DDAH1: variants seen among roughly 807,000 people sequenced by gnomAD.
The protein encoded by DDAH1 is N(G),N(G)-dimethylarginine dimethylaminohydrolase 1.
Under a neutral mutation model 28.8 loss-of-function variants are expected in DDAH1, and 19 were observed. That is an observed-to-expected ratio of 0.66 (90% CI 0.46 to 0.97). The LOEUF (loss-of-function observed/expected upper bound fraction) is 0.97, where lower values mean the gene tolerates loss of function less well. Among genes scored for constraint, DDAH1 ranks in the 50% least tolerant of loss-of-function variants. The probability of loss-of-function intolerance (pLI) is 0.00; values close to 1 mark genes in which losing one functional copy is unlikely to be tolerated. For synonymous variants in DDAH1, 153 were observed against 154.4 expected, an observed-to-expected ratio of 0.99 and a Z score of 0.07; for missense variants, 326 against 375.9, an observed-to-expected ratio of 0.87 and a Z score of 1.10.
At chr1:85,393,149 TAAC>T (rs983445540) in intron 1 of DDAH1, among the ~76,000 whole-genome samples, 2 of 152,170 alleles carry the variant, frequency 1.3e-5, no homozygotes, top group African/African-American at 4.8e-5. Flanking sequence ...TTAATAGCAA[TAAC>T]AACATCAACA....
chr1:85,577,069 C>G (rs1458516611), intron 1 of DDAH1, among the ~76,000 whole-genome samples: 1 of 152,140 alleles, frequency 6.6e-6, no homozygotes, highest in Admixed American at 6.5e-5. Context: ...CGCGCGCCGC[C>G]GGAAACCTCG....
intron 1 of DDAH1, among the ~76,000 whole-genome samples, chr1:85,452,329 CATAA>C (rs755367742): frequency 2.0e-4 from 30 of 152,088 alleles, no homozygotes; most frequent in African/African-American, 6.7e-4. Context: ...ACAACAACGA[CATAA>C]ATAAATAAAT....
At chr1:85,393,770 G>A (rs998166630) in intron 1 of DDAH1, among the ~76,000 whole-genome samples, 2 of 152,114 alleles carry the variant, frequency 1.3e-5, no homozygotes, top group Non-Finnish European at 2.9e-5. Flanking sequence ...GCTTTGAGAT[G>A]TAAATTTTCT....
chr1:85,528,523 T>C (rs1355601808), intron 1 of DDAH1, among the ~76,000 whole-genome samples: 10 of 151,302 alleles, frequency 6.6e-5, no homozygotes, highest in Admixed American at 5.9e-4. Context: ...TTAGTTATGA[T>C]AACTGTTGTT....
intron 1 of DDAH1, among the ~76,000 whole-genome samples, chr1:85,400,828 T>C (rs965440361): frequency 5.9e-5 from 9 of 152,214 alleles, no homozygotes; most frequent in African/African-American, 2.2e-4. Flanking sequence ...CCATACATTG[T>C]GTTCCTGGCC....
chr1:85,498,069 C>T (rs1349005601), intron 1 of DDAH1, among the ~76,000 whole-genome samples: 4 of 152,310 alleles, frequency 2.6e-5, no homozygotes, highest in Admixed American at 2.6e-4. Context: ...TGAAGCTTAA[C>T]GAGCCTTTAA....
At chr1:85,525,109 C>A (rs1292788674) in intron 1 of DDAH1, among the ~76,000 whole-genome samples, 5 of 150,750 alleles carry the variant, frequency 3.3e-5, no homozygotes, top group Admixed American at 2.7e-4. Context: ...AATCGGCCAC[C>A]AAGAGAGAAC....
chr1:85,343,842 A>C (rs997906438), intron 4 of DDAH1, among the ~76,000 whole-genome samples: 5 of 152,202 alleles, frequency 3.3e-5, no homozygotes, highest in Non-Finnish European at 7.4e-5. Context: ...TAACATGGAC[A>C]TTTTTGGACA....
chr1:85,450,336 G>T (rs1449320977), intron 1 of DDAH1, among the ~76,000 whole-genome samples: 1 of 152,052 alleles, frequency 6.6e-6, no homozygotes, highest in East Asian at 1.9e-4. Flanking sequence ...TGTATCAAAA[G>T]TTTTTTTGGC....
At chr1:85,543,113 A>G (rs1388162268) in intron 1 of DDAH1, among the ~76,000 whole-genome samples, 2 of 152,136 alleles carry the variant, frequency 1.3e-5, no homozygotes, top group African/African-American at 2.4e-5. Flanking sequence ...ATGAAGTCCA[A>G]TATTATGTAT....
intron 1 of DDAH1, among the ~76,000 whole-genome samples, chr1:85,382,774 G>A (rs1249095605): frequency 1.3e-5 from 2 of 152,158 alleles, no homozygotes; most frequent in Non-Finnish European, 2.9e-5. Context: ...TTACCATTCT[G>A]AAAATCCTTG....
In DDAH1 at chr1:85,464,561, T is replaced by C; in HGVS notation, c.303+182A>G. On this transcript the variant is annotated intron_variant, in intron 1 of 5. Coordinates refer to ENST00000284031, the MANE Select transcript of DDAH1 (RefSeq NM_012137.4). The surrounding 1 kb of genome is among the most constrained non-coding windows in gnomAD (Gnocchi z 4.4). ...GAAGGCTGCCGGCAGCCGGGAGGTG[T>C]GAACAATGAACTTCTCTCTGACTCT... 1 of 1,528,458 alleles carries C rather than the reference T, an allele frequency of 6.5e-7. No individual in the cohort carries two copies. Among genetic ancestry groups the C allele is most frequent in the Non-Finnish European group, 8.7e-7 (1 of 1,143,374 alleles). The allele number at this position is 1,528,458 out of a possible 1,614,324, so 94.7% of individuals were successfully genotyped here.
intron 1 of DDAH1, among the ~76,000 whole-genome samples, chr1:85,555,161 G>T (rs1570671133): frequency 1.3e-5 from 2 of 152,202 alleles, no homozygotes; most frequent in East Asian, 1.9e-4. Flanking sequence ...GCACACTGGA[G>T]TGGCACAGTA....
chr1:85,569,919 T>A (rs1283062107), intron 1 of DDAH1, among the ~76,000 whole-genome samples: 2 of 152,206 alleles, frequency 1.3e-5, no homozygotes, highest in Non-Finnish European at 2.9e-5. Flanking sequence ...TCACTCGCTA[T>A]ACCCCATGCT....
Position 85,485,163 on chromosome 1 carries a change from A to T in DDAH1, c.-7+11003T>A, listed in dbSNP as rs147358269. ...TGCGGGTGCCACAGAAAATAAGGAT[A>T]CTCAGGTCCTGCCTTTTGGGACCTA... is the stretch of plus-strand genomic sequence containing the variant. On this transcript the variant is annotated intron_variant, in intron 2 of 6. Transcript: ENST00000426972. 1.3e-3 allele frequency among the ~76,000 whole-genome samples: 198 copies of T among 152,318 alleles called. 1 individual carries two copies. Among genetic ancestry groups the T allele is most frequent in the African/African-American group, 4.5e-3 (185 of 41,568 alleles).
intron 1 of DDAH1, among the ~76,000 whole-genome samples, chr1:85,441,485 G>A (rs539922369): frequency 2.0e-5 from 3 of 152,054 alleles, no homozygotes; most frequent in South Asian, 2.1e-4. Flanking sequence ...AGGTTGCAGT[G>A]AGCCGAGATC....
intron 1 of DDAH1, among the ~76,000 whole-genome samples, chr1:85,373,226 A>AATTT (rs1410856996): frequency 6.6e-6 from 1 of 152,136 alleles, no homozygotes; most frequent in Non-Finnish European, 1.5e-5. Context: ...GTACCACAGG[A>AATTT]ACTTTGAAAA....
intron 1 of DDAH1, among the ~76,000 whole-genome samples, chr1:85,560,216 C>T (rs1459248579): frequency 6.6e-6 from 1 of 151,974 alleles, no homozygotes; most frequent in African/African-American, 2.4e-5. Flanking sequence ...CAATTCCGAA[C>T]CCAGAAAAAA....
chr1:85,343,561 G>T (rs540750218), intron 4 of DDAH1, among the ~76,000 whole-genome samples: 1 of 152,306 alleles, frequency 6.6e-6, no homozygotes, highest in African/African-American at 2.4e-5. Flanking sequence ...ACCTACAATG[G>T]GATTGTCAGT....
Sources: gnomAD v4.1 joint callset for allele counts (sites outside exome capture counted in the v4.1 genomes callset) on GRCh38, gnomAD v4.1.1 for gene constraint, Gnocchi (gnomAD v3.1) non-coding constraint, MANE v1.5 for transcripts, NCBI Gene and HGNC (gene_info 2026-07-23, HGNC 2026-07-21) for gene names.